Variants in UBE2E2 observed in about 807,000 individuals in gnomAD.
The protein encoded by UBE2E2 is ubiquitin-conjugating enzyme E2 E2.
UBE2E2 carries 6 observed loss-of-function variants against 24.7 expected under a neutral mutation model. The observed-to-expected ratio is 0.24, with a 90% confidence interval of 0.13 to 0.48. The LOEUF (loss-of-function observed/expected upper bound fraction) is 0.48, where lower values mean the gene tolerates loss of function less well. UBE2E2 is among the 20% of genes least tolerant of loss of function. UBE2E2 has a pLI of 0.99. For missense variants in UBE2E2, 169 were observed against 245.0 expected (o/e 0.69, Z 2.07); for synonymous variants, 104 against 83.6 (o/e 1.24, Z -1.33).
intron 5 of UBE2E2, among the ~76,000 whole-genome samples, chr3:23,573,445 AT>A (rs953469422): frequency 4.6e-5 from 7 of 152,112 alleles, no homozygotes; most frequent in Admixed American, 2.6e-4. Context: ...GGGAGAAAAT[AT>A]TTTTTCCACA....
At chr3:23,533,697 C>T (rs569698590) in intron 5 of UBE2E2, among the ~76,000 whole-genome samples, 1 of 143,228 alleles carries the variant, frequency 7.0e-6, no homozygotes, top group Non-Finnish European at 1.5e-5. Flanking sequence ...GATCTTGGCT[C>T]CCGCAACCTC....
intron 3 of UBE2E2, among the ~76,000 whole-genome samples, chr3:23,441,398 G>C (rs1698300434): frequency 6.6e-6 from 1 of 150,896 alleles, no homozygotes; most frequent in Non-Finnish European, 1.5e-5. Flanking sequence ...AATTAGCTGG[G>C]CATGGTGGCG....
At chr3:23,369,943 CA>C (rs1169958036) in intron 3 of UBE2E2, among the ~76,000 whole-genome samples, 1 of 152,062 alleles carries the variant, frequency 6.6e-6, no homozygotes, top group Non-Finnish European at 1.5e-5. Flanking sequence ...TAAAAGTTGT[CA>C]GAAATCTTTA....
intron 3 of UBE2E2, among the ~76,000 whole-genome samples, chr3:23,440,916 G>T (rs973173411): frequency 6.6e-6 from 1 of 152,024 alleles, no homozygotes; most frequent in Non-Finnish European, 1.5e-5. Flanking sequence ...TAAGAGACTC[G>T]CTTATTGTGA....
intron 5 of UBE2E2, among the ~76,000 whole-genome samples, chr3:23,573,106 A>C (rs1696262765): frequency 6.6e-6 from 1 of 152,180 alleles, no homozygotes; most frequent in Non-Finnish European, 1.5e-5. Context: ...CCCTACTATA[A>C]AGCTATAGTG....
chr3:23,228,254 A>T (rs192864547), intron 3 of UBE2E2, among the ~76,000 whole-genome samples: 3 of 152,162 alleles, frequency 2.0e-5, no homozygotes, highest in Non-Finnish European at 4.4e-5. Context: ...AATTTTTTTT[A>T]AATTCTTTAC....
intron 3 of UBE2E2, among the ~76,000 whole-genome samples, chr3:23,365,396 T>C (rs551404940): frequency 6.6e-6 from 1 of 152,288 alleles, no homozygotes; most frequent in South Asian, 2.1e-4. Flanking sequence ...AGTTCCTAGA[T>C]CTGATAAACA....
At chr3:23,233,795 C>T (rs1385157394) in intron 3 of UBE2E2, among the ~76,000 whole-genome samples, 1 of 152,062 alleles carries the variant, frequency 6.6e-6, no homozygotes, top group African/African-American at 2.4e-5. Context: ...TAATAGTTTA[C>T]TATGTAGTAT....
chr3:23,374,475 C>A (rs1329125935), intron 3 of UBE2E2, among the ~76,000 whole-genome samples: 1 of 152,142 alleles, frequency 6.6e-6, no homozygotes, highest in Non-Finnish European at 1.5e-5. Flanking sequence ...CTATAAAATG[C>A]TACTTAGGCA....
chr3:23,452,819 C>G (rs145497727), intron 3 of UBE2E2, among the ~76,000 whole-genome samples: 25 of 151,930 alleles, frequency 1.6e-4, no homozygotes, highest in Admixed American at 5.9e-4. Context: ...TACAAAATGC[C>G]TATGATCTAA....
rs1553622745 is a variant in UBE2E2 at position 23,582,891 on chromosome 3, G to GTGTGTA, written c.509-6840_509-6839insGTATGT. On this transcript the variant is annotated intron_variant, in intron 5 of 5. Transcript: ENST00000396703. Reference sequence around the variant, plus strand: ...TGTGTGTGTGTGTGTGTGTGTGTGTGTGTTGTGTGTTTGTTTGCTGTGCAG... The same window carrying GTGTGTA: ...TGTGTGTGTGTGTGTGTGTGTGTGTGTGTGTATGTTGTGTGTTTGTTTGCTGTGCAG... 7.9e-3 allele frequency among the ~76,000 whole-genome samples: 1,171 copies of GTGTGTA among 148,716 alleles called. 13 individuals carry two copies. Among genetic ancestry groups the GTGTGTA allele is most frequent in the African/African-American group, 0.021 (827 of 39,870 alleles).
At chr3:23,476,285 G>A (rs955006564) in intron 3 of UBE2E2, among the ~76,000 whole-genome samples, 41 of 152,022 alleles carry the variant, frequency 2.7e-4, no homozygotes, top group African/African-American at 4.8e-5. Context: ...GGATATTGTC[G>A]TAACACTGAT....
chr3:23,552,879 A>G (rs1429727902), intron 5 of UBE2E2, among the ~76,000 whole-genome samples: 1 of 152,344 alleles, frequency 6.6e-6, no homozygotes, highest in East Asian at 1.9e-4. Context: ...GCTGTTTTCA[A>G]TCCAGTCTAA....
At chr3:23,403,401 ACT>A (rs1237133849) in intron 3 of UBE2E2, among the ~76,000 whole-genome samples, 7 of 152,304 alleles carry the variant, frequency 4.6e-5, no homozygotes, top group South Asian at 2.1e-4. Context: ...ACGATACAAC[ACT>A]CTATTGGAAA....
At chr3:23,287,892 G>T (rs982432026) in intron 3 of UBE2E2, among the ~76,000 whole-genome samples, 1 of 148,870 alleles carries the variant, frequency 6.7e-6, no homozygotes, top group Non-Finnish European at 1.5e-5. Context: ...ACACAGTTTT[G>T]TTGCTCTCGT....
intron 3 of UBE2E2, among the ~76,000 whole-genome samples, chr3:23,465,224 C>T (rs1698896786): frequency 6.6e-6 from 1 of 152,098 alleles, no homozygotes; most frequent in African/African-American, 2.4e-5. Context: ...AGTAGAATTG[C>T]TTAAAGGATT....
chr3:23,432,228 C>T (rs1012650629), intron 3 of UBE2E2, among the ~76,000 whole-genome samples: 1 of 152,048 alleles, frequency 6.6e-6, no homozygotes, highest in African/African-American at 2.4e-5. Flanking sequence ...TTCTGATTAC[C>T]CTAATTTGGG....
chr3:23,483,000 A>G (rs1370162284), intron 3 of UBE2E2, among the ~76,000 whole-genome samples: 2 of 152,220 alleles, frequency 1.3e-5, no homozygotes, highest in Admixed American at 6.5e-5. Context: ...TCTTCAGACT[A>G]TAATAACTCT....
chr3:23,275,089 A>C lies in UBE2E2; in HGVS notation c.227+57777A>C, dbSNP rs185929535. On this transcript the variant is annotated intron_variant, in intron 3 of 5. Coordinates refer to ENST00000396703, the MANE Select transcript of UBE2E2 (RefSeq NM_152653.4). Reference sequence around the variant, plus strand: ...GCGTTGTGTTAGGCAGGGGGACTGCAGTAATGAGCAACCAACCATTGTTGA... The same window carrying C: ...GCGTTGTGTTAGGCAGGGGGACTGCCGTAATGAGCAACCAACCATTGTTGA... Among the ~76,000 whole-genome samples the C allele has an allele frequency of 2.2e-4, 34 of 152,354 alleles. No individual in the cohort carries two copies. In the East Asian group the frequency reaches 2.7e-3, roughly 12 times the overall value.
Sources: allele counts gnomAD v4.1 joint callset (sites outside exome capture counted in the v4.1 genomes callset), GRCh38; gene constraint gnomAD v4.1.1; transcripts MANE v1.5; gene names NCBI Gene and HGNC (gene_info 2026-07-23, HGNC 2026-07-21).